ACTN4: variants seen among roughly 807,000 people sequenced by gnomAD.
ACTN4 encodes the protein alpha-actinin-4.
In ACTN4, 18 loss-of-function variants were observed where a neutral mutation model predicts 114.2. The ratio of observed to expected loss-of-function variants is 0.16; its 90% CI spans 0.11 to 0.23. ACTN4 has a LOEUF of 0.23. Among genes scored for constraint, ACTN4 ranks in the 10% least tolerant of loss-of-function variants. ACTN4 has a pLI of 1.00. For missense variants in ACTN4, 722 were observed against 1,262.9 expected, an observed-to-expected ratio of 0.57 and a Z score of 6.49; for synonymous variants, 515 against 506.3, an observed-to-expected ratio of 1.02 and a Z score of -0.23.
Position 38,672,515 on chromosome 19 carries a change from A to T in ACTN4, c.162+24608A>T, listed in dbSNP as rs370533630. Reference sequence around the variant, plus strand: ...CTTGGCTTCCCAAAGTGTTGGGATTACAGGTGTGAGCTACCACACCCTGCC... The same window carrying T: ...CTTGGCTTCCCAAAGTGTTGGGATTTCAGGTGTGAGCTACCACACCCTGCC... On this transcript the variant is annotated intron_variant, in intron 1 of 20. Transcript: ENST00000252699. 3.4e-4 allele frequency among the ~76,000 whole-genome samples: 52 copies of T among 152,018 alleles called. 1 individual carries two copies. The South Asian group carries it at 0.011, about 32-fold the overall frequency.
At chr19:38,682,643 TCTC>T (rs1467646801) in intron 1 of ACTN4, among the ~76,000 whole-genome samples, 1 of 152,148 alleles carries the variant, frequency 6.6e-6, no homozygotes, top group Non-Finnish European at 1.5e-5. Flanking sequence ...GGGGCGGCGT[TCTC>T]CGCGCGAAAT....
chr19:38,689,293 C>T (rs545357941), intron 1 of ACTN4, among the ~76,000 whole-genome samples: 3 of 152,262 alleles, frequency 2.0e-5, no homozygotes, highest in South Asian at 4.1e-4. Context: ...ACCTTGAAAA[C>T]ATGCTAAGGA....
rs902102502 is a variant in ACTN4, at chr19:38,659,033, C to T, written c.162+11126C>T. Reference sequence around the variant, plus strand: ...CATTTTTTGAACTAATTTTCCCTTTCCCTTTGTAACTTTTTTTTCTTCTTT... The same window carrying T: ...CATTTTTTGAACTAATTTTCCCTTTTCCTTTGTAACTTTTTTTTCTTCTTT... On this transcript the variant is annotated intron_variant, in intron 1 of 20. Coordinates refer to ENST00000252699, the MANE Select transcript of ACTN4 (RefSeq NM_004924.6). Among the ~76,000 whole-genome samples the T allele has an allele frequency of 1.0e-4, 15 of 149,292 alleles. No individual in the cohort carries two copies. The South Asian group carries it at 3.2e-3, about 32-fold the overall frequency.
chr19:38,692,310 G>A (rs1967957111), intron 1 of ACTN4, among the ~76,000 whole-genome samples: 1 of 152,252 alleles, frequency 6.6e-6, no homozygotes, highest in Admixed American at 6.5e-5. Flanking sequence ...CTGCCGCAGT[G>A]CTAGCCCTGA....
At chr19:38,703,111 C>T (rs1473333498) in intron 3 of ACTN4, among the ~76,000 whole-genome samples, 2 of 152,130 alleles carry the variant, frequency 1.3e-5, no homozygotes, top group African/African-American at 4.8e-5. Flanking sequence ...TGGGATGAGG[C>T]ACTGCCTTCT....
chr19:38,665,367 A>G (rs754399926), intron 1 of ACTN4, among the ~76,000 whole-genome samples: 1 of 152,208 alleles, frequency 6.6e-6, no homozygotes, highest in Non-Finnish European at 1.5e-5. Context: ...TGAGGATTAG[A>G]CGTGATAGTG....
In ACTN4 at chr19:38,721,564, G is replaced by A; in HGVS notation, c.1318G>A (p.Asp440Asn). 2 of 1,614,016 alleles carry A rather than the reference G, an allele frequency of 1.2e-6. No homozygotes were observed. The highest frequency in any genetic ancestry group is 1.7e-6 in the Non-Finnish European group (2 of 1,180,026). Residue 440 changes from aspartate (D) to asparagine (N), a missense_variant, in exon 12 of 21, where the codon GAC (aspartate) becomes AAC (asparagine). By Grantham distance (23) the Asp-to-Asn change is conservative (BLOSUM62 1). Coordinates refer to ENST00000252699, the MANE Select transcript of ACTN4 (RefSeq NM_004924.6). ...DGKEAMLKHR[D>N]YETATLSDIK... is the part of the protein sequence containing the mutation. ...GAAGGAAGCCATGCTGAAGCACCGG[G>A]ACTACGAGACGGCCACACTATCGGA... is the stretch of plus-strand genomic sequence containing the variant.
chr19:38,669,175 C>T (rs941659822), intron 1 of ACTN4, among the ~76,000 whole-genome samples: 22 of 152,212 alleles, frequency 1.4e-4, no homozygotes, highest in African/African-American at 5.1e-4. Flanking sequence ...TTAGTAGAGA[C>T]GGGGTTTCAC....
intron 1 of ACTN4, among the ~76,000 whole-genome samples, chr19:38,658,516 T>TA (rs1383119534): frequency 2.0e-5 from 3 of 152,216 alleles, no homozygotes; most frequent in African/African-American, 7.2e-5. Flanking sequence ...ATGAGTACCT[T>TA]GCCTTAAACT....
At chr19:38,690,836 G>A (rs1967900106) in intron 1 of ACTN4, among the ~76,000 whole-genome samples, 1 of 152,174 alleles carries the variant, frequency 6.6e-6, no homozygotes, top group Non-Finnish European at 1.5e-5. Context: ...TATGTTATGT[G>A]AATTACATTT....
chr19:38,717,997 T>G lies in ACTN4; in HGVS notation c.1214T>G (p.Ile405Ser). The G allele has an allele frequency of 6.2e-7, 1 of 1,608,912 alleles. No homozygotes were observed. Among genetic ancestry groups the G allele is most frequent in the Non-Finnish European group, 8.5e-7 (1 of 1,177,928 alleles). ...KGYEEWLLNE[I>S]RRLERLDHLA... Reference sequence around the variant, plus strand: ...TACGAGGAGTGGCTGCTGAATGAGATCCGCAGGCTGGAGCGGCTCGACCAC... The same window carrying G: ...TACGAGGAGTGGCTGCTGAATGAGAGCCGCAGGCTGGAGCGGCTCGACCAC... The change falls in exon 11 of 21, where the codon ATC (isoleucine) becomes AGC (serine). Residue 405 changes from isoleucine to serine, a missense_variant. Around this residue, in one of 3 missense-constraint regions of ACTN4, gnomAD observed 523 missense variants for 875.9 expected, o/e 0.60. Transcript: ENST00000252699. This position sits in a 1 kb window ranked among gnomAD's most constrained non-coding sequence, Gnocchi z 4.0.
Position 38,676,473 on chromosome 19 carries a change from G to A in ACTN4, c.163-24127G>A, listed in dbSNP as rs543559466. On this transcript the variant is annotated intron_variant, in intron 1 of 20. Transcript: ENST00000252699. ...AGTGTGTTGTATAGCAGTGTCCTGC[G>A]ACTGGGCTGGAGACGTGGCTGAGGG... Among the ~76,000 whole-genome samples, 4 of 152,322 alleles carry A rather than the reference G, an allele frequency of 2.6e-5. No homozygotes were observed. In the South Asian group the frequency reaches 6.2e-4, roughly 24 times the overall value.
At chr19:38,681,188 C>T (rs956372007) in intron 1 of ACTN4, among the ~76,000 whole-genome samples, 7 of 150,570 alleles carry the variant, frequency 4.6e-5, no homozygotes. Flanking sequence ...CTGCTGGCTG[C>T]CTGAGCTTGT....
intron 1 of ACTN4, among the ~76,000 whole-genome samples, chr19:38,661,947 C>T (rs565244964): frequency 1.1e-3 from 175 of 152,274 alleles, no homozygotes; most frequent in Non-Finnish European, 2.1e-3. Context: ...CCACCGCGCC[C>T]GGCCTGGCAG....
At chr19:38,659,482 G>C (rs1456119843) in intron 1 of ACTN4, among the ~76,000 whole-genome samples, 2 of 152,168 alleles carry the variant, frequency 1.3e-5, no homozygotes, top group Non-Finnish European at 2.9e-5. Flanking sequence ...TGGAAGGTAA[G>C]GGGTGACACT....
intron 8 of ACTN4, among the ~76,000 whole-genome samples, chr19:38,713,542 G>A (rs1041299619): frequency 1.2e-4 from 19 of 152,310 alleles, no homozygotes; most frequent in African/African-American, 4.6e-4. Flanking sequence ...GCAGCATGGC[G>A]CGGGGTGTGC....
Position 38,729,414 on chromosome 19 carries a change from T to C in ACTN4, c.2718T>C (p.Tyr906=), listed in dbSNP as rs777060813. The C allele has an allele frequency of 6.2e-7, 1 of 1,612,796 alleles. No homozygotes were observed. The highest frequency in any genetic ancestry group is 1.7e-5 in the Admixed American group (1 of 60,016). The change falls in exon 21 of 21, where the codon TAT becomes TAC. Residue 906 remains tyrosine, a synonymous_variant. Transcript: ENST00000252699. ...ACAAGTCCTTCTCCACGGCCTTGTA[T>C]GGCGAGAGCGACCTGTGAGGCCCCA... The part of the protein sequence containing the change: ...LDYKSFSTAL[Y]GESDL
chr19:38,722,933 C>A (rs951402043), intron 12 of ACTN4, among the ~76,000 whole-genome samples: 1 of 152,210 alleles, frequency 6.6e-6, no homozygotes, highest in Non-Finnish European at 1.5e-5. Context: ...GTCTTTTCTG[C>A]TGAGGGGGAA....
Position 38,724,155 on chromosome 19 carries a change from A to G in ACTN4, c.1693-2A>G. On this transcript the variant is annotated splice_acceptor_variant, in intron 14 of 20. Transcript: ENST00000252699. LOFTEE classifies it high-confidence loss of function. This position sits in a 1 kb window ranked among gnomAD's most constrained non-coding sequence, Gnocchi z 7.0. Reference sequence around the variant, plus strand: ...GCCCCCTCACTCCAGCTCCTCCCCTAGGGCCTGATCTCAGCCCATGACCAG... The same window carrying G: ...GCCCCCTCACTCCAGCTCCTCCCCTGGGGCCTGATCTCAGCCCATGACCAG... 1 of 1,613,686 alleles carries G rather than the reference A, an allele frequency of 6.2e-7. No homozygotes were observed. The highest frequency in any genetic ancestry group is 8.5e-7 in the Non-Finnish European group (1 of 1,179,966).
Sources: gnomAD v4.1 joint callset for allele counts (sites outside exome capture counted in the v4.1 genomes callset) on GRCh38, gnomAD v4.1.1 for gene constraint, gnomAD v4.1.1 regional missense constraint, Gnocchi (gnomAD v3.1) non-coding constraint, MANE v1.5 for transcripts, NCBI Gene and HGNC (gene_info 2026-07-23, HGNC 2026-07-21) for gene names.